Variants in PDHX observed in about 807,000 individuals in gnomAD.
PDHX encodes pyruvate dehydrogenase complex component X.
A neutral mutation model predicts 55.3 loss-of-function variants in PDHX; 33 were observed. The ratio of observed to expected loss-of-function variants is 0.60; its 90% CI spans 0.45 to 0.80. The LOEUF (loss-of-function observed/expected upper bound fraction) is 0.80. Ranked by LOEUF, PDHX falls within the 30% of genes least tolerant of loss-of-function variation. The pLI, the probability that PDHX is intolerant of heterozygous loss-of-function variation, is 0.00. For missense variants in PDHX, 622 were observed against 619.9 expected, an observed-to-expected ratio of 1.00 and a Z score of -0.04; for synonymous variants, 226 against 219.4, an observed-to-expected ratio of 1.03 and a Z score of -0.27.
intron 2 of PDHX, among the ~76,000 whole-genome samples, chr11:34,938,194 G>T (rs1407259420): frequency 1.3e-5 from 2 of 152,150 alleles, no homozygotes; most frequent in African/African-American, 4.8e-5. Flanking sequence ...CATAGAGACA[G>T]CACTGGAAAA....
chr11:34,938,376 C>G (rs1590737107), intron 2 of PDHX, among the ~76,000 whole-genome samples: 5 of 152,266 alleles, frequency 3.3e-5, no homozygotes, highest in African/African-American at 1.2e-4. Flanking sequence ...AATGAAAGAG[C>G]CAGTACCCCA....
At chr11:34,923,589 A>T (rs1049855221) in intron 1 of PDHX, among the ~76,000 whole-genome samples, 5 of 151,994 alleles carry the variant, frequency 3.3e-5, no homozygotes, top group Non-Finnish European at 7.3e-5. Context: ...CCTAATAGAT[A>T]TTAAGTAATA....
chr11:34,938,192 C>T (rs1363582135), intron 2 of PDHX, among the ~76,000 whole-genome samples: 4 of 151,912 alleles, frequency 2.6e-5, no homozygotes, highest in Non-Finnish European at 4.4e-5. Context: ...CACATAGAGA[C>T]AGCACTGGAA....
intron 1 of PDHX, among the ~76,000 whole-genome samples, chr11:34,924,022 A>G (rs1853959865): frequency 6.6e-6 from 1 of 152,194 alleles, no homozygotes; most frequent in Non-Finnish European, 1.5e-5. Context: ...GGAAGGTGAA[A>G]GGAACCTGTG....
At chr11:34,952,899 T>C (rs1360330625) in intron 3 of PDHX, among the ~76,000 whole-genome samples, 4 of 151,290 alleles carry the variant, frequency 2.6e-5, no homozygotes, top group Non-Finnish European at 5.9e-5. Context: ...GGAAGTCAAA[T>C]TGTCCCTGTT....
intron 3 of PDHX, among the ~76,000 whole-genome samples, chr11:34,952,801 C>T (rs1854807662): frequency 1.3e-5 from 2 of 149,418 alleles, no homozygotes; most frequent in African/African-American, 5.0e-5. Flanking sequence ...TGCCCTCTCT[C>T]ACCACTCCTA....
At chr11:34,986,806 A>G (rs1400995687) in intron 9 of PDHX, among the ~76,000 whole-genome samples, 1 of 152,126 alleles carries the variant, frequency 6.6e-6, no homozygotes, top group Non-Finnish European at 1.5e-5. Flanking sequence ...GGCCTTGGGC[A>G]TTTCCTGTAA....
chr11:34,967,889 G>A (rs1310914652), intron 6 of PDHX, among the ~76,000 whole-genome samples: 1 of 152,136 alleles, frequency 6.6e-6, no homozygotes, highest in Non-Finnish European at 1.5e-5. Context: ...AAGATACTAT[G>A]TATATTGAGT....
intron 1 of PDHX, among the ~76,000 whole-genome samples, chr11:34,922,442 A>G (rs1853906287): frequency 6.6e-6 from 1 of 152,220 alleles, no homozygotes; most frequent in African/African-American, 2.4e-5. Flanking sequence ...TAGATAGTTC[A>G]GGTTTCAACC....
Position 34,943,973 on chromosome 11 carries a change from G to A in PDHX, c.242-3533G>A, listed in dbSNP as rs548193384. On this transcript the variant is annotated intron_variant, in intron 2 of 10. Transcript: ENST00000227868. ...ATGGATATTAAGCAAGCTTCTTGAGGTCAGGAATCTTAAATCTTTGCTGTT... is the reference window on the plus strand; with the variant it reads ...ATGGATATTAAGCAAGCTTCTTGAGATCAGGAATCTTAAATCTTTGCTGTT... 2.6e-5 allele frequency among the ~76,000 whole-genome samples: 4 copies of A among 151,818 alleles called. No homozygotes were observed. In the East Asian group the frequency reaches 5.8e-4, roughly 22 times the overall value.
chr11:34,969,859 A>T (rs929555735), intron 6 of PDHX, among the ~76,000 whole-genome samples: 1 of 152,108 alleles, frequency 6.6e-6, no homozygotes, highest in East Asian at 1.9e-4. Context: ...TTTCTTTCTT[A>T]TCATCTTAAA....
At chr11:34,916,555 G>A, upstream of PDHX, 4 of 1,522,422 alleles carry the variant, frequency 2.6e-6, no homozygotes, top group Non-Finnish European at 3.5e-6. Flanking sequence ...AGACCTAAAG[G>A]CACCGCTAGC....
At chr11:34,918,286 A>G (rs967678495) in intron 1 of PDHX, among the ~76,000 whole-genome samples, 1 of 151,618 alleles carries the variant, frequency 6.6e-6, no homozygotes, top group African/African-American at 2.4e-5. Flanking sequence ...TAAAAAAAAA[A>G]AAAGAAAGAA....
intron 6 of PDHX, among the ~76,000 whole-genome samples, chr11:34,969,742 A>G (rs1855215794): frequency 1.3e-5 from 2 of 151,982 alleles, no homozygotes; most frequent in East Asian, 3.9e-4. Context: ...CTGTGTATGT[A>G]TGTACACACA....
chr11:34,970,717 A>G (rs934114821), intron 7 of PDHX, among the ~76,000 whole-genome samples: 1 of 152,204 alleles, frequency 6.6e-6, no homozygotes, highest in African/African-American at 2.4e-5. Context: ...TTGAGTGCCA[A>G]CATGAAGCTC....
chr11:34,980,922 A>G (rs1855495856), intron 8 of PDHX, among the ~76,000 whole-genome samples: 1 of 152,200 alleles, frequency 6.6e-6, no homozygotes, highest in South Asian at 2.1e-4. Context: ...GTTTTTCAGC[A>G]TCATTTTCAC....
intron 3 of PDHX, among the ~76,000 whole-genome samples, chr11:34,956,457 T>G (rs184908094): frequency 1.3e-5 from 2 of 152,248 alleles, no homozygotes; most frequent in Non-Finnish European, 2.9e-5. Flanking sequence ...ATACAGCTAA[T>G]GAACCTTATT....
chr11:34,949,855 T>C (rs1854714123), intron 3 of PDHX, among the ~76,000 whole-genome samples: 1 of 152,198 alleles, frequency 6.6e-6, no homozygotes, highest in Non-Finnish European at 1.5e-5. Context: ...GCAATATATT[T>C]ATTGATAGAT....
At chr11:34,983,498 A>C (rs1564931629) in intron 8 of PDHX, among the ~76,000 whole-genome samples, 1 of 152,226 alleles carries the variant, frequency 6.6e-6, no homozygotes, top group Non-Finnish European at 1.5e-5. Context: ...CTGTTTGCAG[A>C]TGACATGATT....
Sources: allele counts gnomAD v4.1 joint callset (sites outside exome capture counted in the v4.1 genomes callset), GRCh38; gene constraint gnomAD v4.1.1; transcripts MANE v1.5; gene names NCBI Gene and HGNC (gene_info 2026-07-23, HGNC 2026-07-21).